The following PRR5L variants were observed in gnomAD, a reference collection of about 807,000 sequenced individuals.
The protein encoded by PRR5L is proline-rich protein 5-like.
PRR5L carries 21 observed loss-of-function variants against 36.4 expected under a neutral mutation model. That is an observed-to-expected ratio of 0.58 (90% CI 0.41 to 0.83). The LOEUF is 0.83. PRR5L is among the 40% of genes least tolerant of loss of function. The probability of loss-of-function intolerance (pLI) is 0.00; values close to 1 mark genes in which losing one functional copy is unlikely to be tolerated. For synonymous variants in PRR5L, 188 were observed against 197.0 expected (o/e 0.95, Z 0.38); for missense variants, 381 against 473.3 (o/e 0.80, Z 1.81).
intron 8 of PRR5L, among the ~76,000 whole-genome samples, chr11:36,460,753 G>A (rs1292485026): frequency 6.6e-6 from 1 of 152,146 alleles, no homozygotes; most frequent in Admixed American, 6.5e-5. Context: ...TATGACCTTC[G>A]ATGTTAACTG....
At chr11:36,421,790 G>A (rs943914767) in intron 4 of PRR5L, among the ~76,000 whole-genome samples, 4 of 151,942 alleles carry the variant, frequency 2.6e-5, no homozygotes, top group Admixed American at 6.6e-5. Context: ...TTTTCCTTTC[G>A]CCCTTGGGAT....
chr11:36,310,765 G>A (rs1208620985), intron 1 of PRR5L, among the ~76,000 whole-genome samples: 2 of 152,016 alleles, frequency 1.3e-5, no homozygotes, highest in Non-Finnish European at 2.9e-5. Flanking sequence ...TTGGGGGGCC[G>A]AGGTGGGCAG....
intron 1 of PRR5L, among the ~76,000 whole-genome samples, chr11:36,332,718 T>C (rs908667232): frequency 1.3e-5 from 2 of 152,128 alleles, no homozygotes; most frequent in Non-Finnish European, 2.9e-5. Context: ...TATTAGTTCA[T>C]GTGAGAGCTC....
At chr11:36,449,792 C>T (rs1460180246) in intron 7 of PRR5L, among the ~76,000 whole-genome samples, 2 of 152,192 alleles carry the variant, frequency 1.3e-5, no homozygotes, top group Non-Finnish European at 2.9e-5. Context: ...CAGCACCTTC[C>T]TAGAGGGCTG....
At chr11:36,296,655 G>A (rs901147939) in intron 1 of PRR5L, among the ~76,000 whole-genome samples, 2 of 152,226 alleles carry the variant, frequency 1.3e-5, no homozygotes, top group Admixed American at 6.5e-5. Flanking sequence ...GCCCTGTTCA[G>A]TGCCTCTGAT....
intron 4 of PRR5L, among the ~76,000 whole-genome samples, chr11:36,425,252 A>G (rs1319582915): frequency 6.6e-6 from 1 of 152,216 alleles, no homozygotes; most frequent in African/African-American, 2.4e-5. Context: ...GTTATTACAT[A>G]TCCCTCTTTT....
chr11:36,453,039 G>A (rs1211905785), intron 8 of PRR5L, among the ~76,000 whole-genome samples: 1 of 152,202 alleles, frequency 6.6e-6, no homozygotes, highest in Non-Finnish European at 1.5e-5. Flanking sequence ...CTTCAGGGGT[G>A]GCAGCTTGTG....
chr11:36,305,829 G>A (rs1024455551), intron 1 of PRR5L, among the ~76,000 whole-genome samples: 31 of 152,214 alleles, frequency 2.0e-4, no homozygotes, highest in African/African-American at 7.2e-4. Context: ...AATTTCTGTT[G>A]TTGATAAGCC....
intron 1 of PRR5L, among the ~76,000 whole-genome samples, chr11:36,380,308 T>G (rs1456490338): frequency 2.0e-5 from 3 of 152,120 alleles, no homozygotes; most frequent in African/African-American, 7.2e-5. Context: ...GCTGTCGCAT[T>G]GCAGAACACA....
At chr11:36,373,383 A>G (rs780652609) in intron 1 of PRR5L, among the ~76,000 whole-genome samples, 31 of 152,178 alleles carry the variant, frequency 2.0e-4, no homozygotes, top group Non-Finnish European at 1.2e-4. Context: ...AGCATCATAT[A>G]TTGGCATTAA....
intron 4 of PRR5L, 28 bp from the exon 5 acceptor site, chr11:36,431,825 T>C: frequency 1.2e-6 from 2 of 1,611,790 alleles, no homozygotes; most frequent in Non-Finnish European, 1.7e-6. Context: ...TTGTCCAAAT[T>C]CTTATGTTCT....
chr11:36,331,294 T>A (rs1856716307), intron 1 of PRR5L, among the ~76,000 whole-genome samples: 1 of 152,206 alleles, frequency 6.6e-6, no homozygotes, highest in South Asian at 2.1e-4. Flanking sequence ...GAGAATAAAT[T>A]CTTTCAGATT....
At chr11:36,380,846 A>C (rs894018309) in intron 1 of PRR5L, among the ~76,000 whole-genome samples, 1 of 152,158 alleles carries the variant, frequency 6.6e-6, no homozygotes, top group Non-Finnish European at 1.5e-5. Flanking sequence ...CAGGATAATA[A>C]ATGACATCAC....
At chr11:36,311,728 T>C (rs372146998) in intron 1 of PRR5L, among the ~76,000 whole-genome samples, 384 of 152,308 alleles carry the variant, frequency 2.5e-3, no homozygotes, top group African/African-American at 8.8e-3. Flanking sequence ...TTTTTTACTC[T>C]GAGAGCTTTT....
chr11:36,302,503 C>T (rs1590421780), intron 1 of PRR5L, among the ~76,000 whole-genome samples: 1 of 152,110 alleles, frequency 6.6e-6, no homozygotes, highest in East Asian at 1.9e-4. Flanking sequence ...GATGCTGGCT[C>T]AGCTGGGTGC....
At chr11:36,318,959 A>G (rs1020457367) in intron 1 of PRR5L, among the ~76,000 whole-genome samples, 2 of 152,194 alleles carry the variant, frequency 1.3e-5, no homozygotes, top group Non-Finnish European at 1.5e-5. Flanking sequence ...TTTTTACTAG[A>G]AAGGTCCTAA....
intron 3 of PRR5L, among the ~76,000 whole-genome samples, chr11:36,409,986 A>G (rs2133569144): frequency 6.6e-6 from 1 of 152,290 alleles, no homozygotes; most frequent in South Asian, 2.1e-4. Flanking sequence ...ATGTACCTGG[A>G]CATAGGTTCA....
chr11:36,395,528 A>G (rs1225565534), intron 1 of PRR5L, among the ~76,000 whole-genome samples: 9 of 152,220 alleles, frequency 5.9e-5, no homozygotes, highest in African/African-American at 1.9e-4. Flanking sequence ...TTGAAGTTCT[A>G]CAGGATAGAG....
At chr11:36,299,642 C>T (rs1239795653) in intron 1 of PRR5L, among the ~76,000 whole-genome samples, 3 of 152,058 alleles carry the variant, frequency 2.0e-5, no homozygotes, top group Non-Finnish European at 2.9e-5. Context: ...ATAAAGAACC[C>T]TAGGAGTTCT....
Sources: allele counts gnomAD v4.1 joint callset (sites outside exome capture counted in the v4.1 genomes callset), GRCh38; gene constraint gnomAD v4.1.1; transcripts MANE v1.5; gene names NCBI Gene and HGNC (gene_info 2026-07-23, HGNC 2026-07-21).